The following TNKS variants were observed in gnomAD, a reference collection of about 807,000 sequenced individuals.
The protein encoded by TNKS is poly [ADP-ribose] polymerase tankyrase-1.
A neutral mutation model predicts 135.8 loss-of-function variants in TNKS; 72 were observed. The ratio of observed to expected loss-of-function variants is 0.53; its 90% CI spans 0.44 to 0.64. The LOEUF (loss-of-function observed/expected upper bound fraction) is 0.64, where lower values mean the gene tolerates loss of function less well. Among genes scored for constraint, TNKS ranks in the 30% least tolerant of loss-of-function variants. TNKS has a pLI of 0.00. For missense variants in TNKS, 1,769 were observed against 1,674.0 expected, an observed-to-expected ratio of 1.06 and a Z score of -0.99; for synonymous variants, 849 against 649.3, an observed-to-expected ratio of 1.31 and a Z score of -4.68.
intron 11 of TNKS, among the ~76,000 whole-genome samples, chr8:9,713,580 T>G (rs1370201788): frequency 1.3e-5 from 2 of 152,336 alleles, no homozygotes; most frequent in Admixed American, 1.3e-4. Context: ...TCTAGACTTT[T>G]GTGTTCATCC....
chr8:9,617,778 G>C (rs1433799837), intron 3 of TNKS, among the ~76,000 whole-genome samples: 2 of 152,054 alleles, frequency 1.3e-5, no homozygotes, highest in Non-Finnish European at 2.9e-5. Context: ...TTATTTTTAT[G>C]CCAGATGCAA....
intron 5 of TNKS, among the ~76,000 whole-genome samples, chr8:9,702,787 G>A (rs952974707): frequency 6.6e-6 from 1 of 152,140 alleles, no homozygotes; most frequent in African/African-American, 2.4e-5. Context: ...AGGTGGAGGC[G>A]GGTGGATCAC....
intron 17 of TNKS, among the ~76,000 whole-genome samples, chr8:9,738,575 G>A (rs1453208741): frequency 3.5e-5 from 1 of 28,250 alleles, no homozygotes; most frequent in African/African-American, 1.8e-4. Context: ...CTTTGAATGC[G>A]TCCCAGAGAT....
At chr8:9,603,059 C>CT (rs112118201) in intron 2 of TNKS, among the ~76,000 whole-genome samples, 2,059 of 147,978 alleles carry the variant, frequency 0.014, 50 homozygotes, top group African/African-American at 0.047. Context: ...TTAACTATGA[C>CT]TTTTTTTTTT....
In TNKS at chr8:9,780,226, G is replaced by A. The variant is rs952826701; in HGVS notation, c.*3490G>A. On this transcript the variant is annotated 3_prime_UTR_variant, in exon 27 of 27. Coordinates refer to ENST00000310430, the MANE Select transcript of TNKS (RefSeq NM_003747.3). ...CGCCTTTTTAACATGTGCACTATCT[G>A]GATTCCTGTAAATGGCCTTGCAAAC... The A allele has an allele frequency of 6.7e-6, 1 of 148,828 alleles. No homozygotes were observed. The highest frequency in any genetic ancestry group is 2.0e-4 in the East Asian group (1 of 5,002). The allele number at this position is 148,828 out of a possible 1,614,324, so 9.2% of individuals were successfully genotyped here. A position where few individuals can be genotyped will look rare whatever the true frequency, so the allele number is the denominator to read the frequency against.
chr8:9,782,108 C>A lies in TNKS; in HGVS notation c.*5372C>A, dbSNP rs1009367573. On this transcript the variant is annotated 3_prime_UTR_variant, in exon 27 of 27. Coordinates refer to ENST00000310430, the MANE Select transcript of TNKS (RefSeq NM_003747.3). ...TCCTACAGCTGTGGTCATGGGAAAT[C>A]ACCTACAGCATGTTAAAGTCCTCTA... The A allele has an allele frequency of 2.6e-5, 4 of 152,414 alleles. No individual in the cohort carries two copies. Among genetic ancestry groups the A allele is most frequent in the Non-Finnish European group, 4.4e-5 (3 of 68,034 alleles). The allele number at this position is 152,414 out of a possible 1,614,324, so 9.4% of individuals were successfully genotyped here.
chr8:9,589,958 C>G (rs959744521), intron 2 of TNKS, among the ~76,000 whole-genome samples: 1 of 152,228 alleles, frequency 6.6e-6, no homozygotes, highest in African/African-American at 2.4e-5. Flanking sequence ...CATGTGCATG[C>G]TCCATTCATT....
chr8:9,774,958 T>G (rs1808138286), intron 26 of TNKS, among the ~76,000 whole-genome samples: 1 of 152,200 alleles, frequency 6.6e-6, no homozygotes, highest in Non-Finnish European at 1.5e-5. Flanking sequence ...CCAGCCTGCG[T>G]TCTTTTTACA....
At chr8:9,601,382 C>A (rs1341323341) in intron 2 of TNKS, among the ~76,000 whole-genome samples, 1 of 152,168 alleles carries the variant, frequency 6.6e-6, no homozygotes, top group East Asian at 1.9e-4. Context: ...CACAAGTACT[C>A]TTTGCTGAGA....
At chr8:9,689,445 T>G (rs1261377892) in intron 5 of TNKS, among the ~76,000 whole-genome samples, 1 of 152,150 alleles carries the variant, frequency 6.6e-6, no homozygotes, top group African/African-American at 2.4e-5. Context: ...AACTGGTAAA[T>G]TTGGAAACAG....
At position 9,764,744 on chromosome 8, in the gene TNKS, A is replaced by T; in HGVS notation, c.3401A>T (p.Asp1134Val). 6.2e-7 allele frequency: 1 copy of T among 1,600,132 alleles called. No individual in the cohort carries two copies. Among genetic ancestry groups the T allele is most frequent in the Non-Finnish European group, 8.5e-7 (1 of 1,175,264 alleles). Residue 1134 changes from aspartate to valine, a missense_variant, in exon 23 of 27, where the codon GAT (aspartate) becomes GTT (valine). Asp to Val is a radical substitution (Grantham distance 152, BLOSUM62 -3). Transcript: ENST00000310430. ...CAAAGTACTATTCGAGAACACAGAG[A>T]TGGTGGTAATGCTGGCGGCATCTTC... ...EMQSTIREHR[D>V]GGNAGGIFNR...
intron 3 of TNKS, among the ~76,000 whole-genome samples, chr8:9,671,718 A>G (rs1802277632): frequency 6.6e-6 from 1 of 152,226 alleles, no homozygotes; most frequent in African/African-American, 2.4e-5. Context: ...CCACAGAACC[A>G]TCTGAAAAGG....
intron 1 of TNKS, among the ~76,000 whole-genome samples, chr8:9,569,522 C>G (rs1276911646): frequency 6.6e-6 from 1 of 152,128 alleles, no homozygotes; most frequent in East Asian, 1.9e-4. Context: ...GTAGTTTGTT[C>G]ATTTTCATTG....
intron 5 of TNKS, among the ~76,000 whole-genome samples, chr8:9,687,828 A>C (rs1803079049): frequency 6.6e-6 from 1 of 152,242 alleles, no homozygotes; most frequent in Non-Finnish European, 1.5e-5. Flanking sequence ...AGTCATTATT[A>C]AAAATTTAGA....
At chr8:9,605,842 GT>G (rs956192723) in intron 2 of TNKS, among the ~76,000 whole-genome samples, 5 of 152,064 alleles carry the variant, frequency 3.3e-5, no homozygotes, top group Admixed American at 2.6e-4. Context: ...ATCTAGAAGA[GT>G]TTTTTGTCTT....
At chr8:9,699,310 A>G (rs974294704) in intron 5 of TNKS, among the ~76,000 whole-genome samples, 8 of 152,224 alleles carry the variant, frequency 5.3e-5, no homozygotes, top group Admixed American at 2.0e-4. Context: ...CTATGTGGTA[A>G]CCATTCACTA....
chr8:9,572,951 A>G (rs1270499888), intron 1 of TNKS, among the ~76,000 whole-genome samples: 1 of 152,148 alleles, frequency 6.6e-6, no homozygotes, highest in East Asian at 1.9e-4. Context: ...TTCATTGTTA[A>G]GAATTTTTGT....
At chr8:9,710,101 A>C in intron 10 of TNKS, 41 bp from the exon 11 acceptor site, 2 of 1,612,296 alleles carry the variant, frequency 1.2e-6, no homozygotes, top group Non-Finnish European at 1.7e-6. Flanking sequence ...ATGCAATAAA[A>C]GAGAGACAAT....
intron 1 of TNKS, among the ~76,000 whole-genome samples, chr8:9,577,680 G>T (rs193079936): frequency 1.3e-5 from 2 of 152,162 alleles, no homozygotes; most frequent in African/African-American, 2.4e-5. Context: ...TAACACTGGG[G>T]ATCATAATTT....
Sources: allele counts gnomAD v4.1 joint callset (sites outside exome capture counted in the v4.1 genomes callset), GRCh38; gene constraint gnomAD v4.1.1; transcripts MANE v1.5; gene names NCBI Gene and HGNC (gene_info 2026-07-23, HGNC 2026-07-21).